The following RIC3 variants were observed in gnomAD, a reference collection of about 807,000 sequenced individuals.
The protein encoded by RIC3 is protein RIC-3.
In RIC3, 28 loss-of-function variants were observed where a neutral mutation model predicts 27.3. The observed-to-expected ratio is 1.02, with a 90% CI of 0.76 to 1.41. The LOEUF (loss-of-function observed/expected upper bound fraction) is 1.41, where lower values mean the gene tolerates loss of function less well. RIC3 is among the 40% of genes most tolerant of loss of function. The pLI, the probability that RIC3 is intolerant of heterozygous loss-of-function variation, is 0.00. For synonymous variants in RIC3, 184 were observed against 160.4 expected (o/e 1.15, Z -1.11); for missense variants, 501 against 444.7 (o/e 1.13, Z -1.14).
chr11:8,124,662 T>G (rs897599513), intron 5 of RIC3, among the ~76,000 whole-genome samples: 4 of 152,162 alleles, frequency 2.6e-5, no homozygotes, highest in Admixed American at 6.5e-5. Context: ...CCGTGTGCTA[T>G]TGGTACAAGT....
chr11:8,130,368 C>A (rs138929461), intron 4 of RIC3, among the ~76,000 whole-genome samples: 37 of 152,344 alleles, frequency 2.4e-4, no homozygotes, highest in African/African-American at 8.4e-4. Context: ...CATGAGGAGA[C>A]TTTCCCTTTG....
At chr11:8,162,120 C>T (rs1438149610) in intron 1 of RIC3, among the ~76,000 whole-genome samples, 2 of 152,192 alleles carry the variant, frequency 1.3e-5, no homozygotes, top group African/African-American at 2.4e-5. Flanking sequence ...AGAGGGCAGC[C>T]AGAGCACAGA....
Position 8,106,683 on chromosome 11 carries a change from G to A in RIC3, c.*4015C>T, listed in dbSNP as rs1246253890. ...TTTAAACAGGACCTCGAGATGCTTAGGAATCTTTTTTTGTTGCCGGGCAGC... is the reference window on the plus strand; with the variant it reads ...TTTAAACAGGACCTCGAGATGCTTAAGAATCTTTTTTTGTTGCCGGGCAGC... On this transcript the variant is annotated 3_prime_UTR_variant, in exon 6 of 6. Transcript: ENST00000309737. The A allele has an allele frequency of 9.2e-4, 1 of 1,086 alleles. No individual in the cohort carries two copies. The highest frequency in any genetic ancestry group is 1.7e-3 in the Non-Finnish European group (1 of 606). The allele number at this position is 1,086 out of a possible 1,614,324, so 0.1% of individuals were successfully genotyped here. A position where few individuals can be genotyped will look rare whatever the true frequency, so the allele number is the denominator to read the frequency against.
the RIC3 span, chr11:8,100,465 G>C: frequency 6.5e-7 from 1 of 1,546,108 alleles, no homozygotes; most frequent in African/African-American, 1.4e-5. Context: ...TAGGTAAATA[G>C]ACGCCTCAGG....
chr11:8,096,834 AG>A, the RIC3 span: 1 of 1,613,376 alleles, frequency 6.2e-7, no homozygotes, highest in Non-Finnish European at 8.5e-7. Flanking sequence ...CATCCACAGC[AG>A]TTTTTGGAGG....
At chr11:8,111,550 C>T (rs1945265920) in intron 5 of RIC3, among the ~76,000 whole-genome samples, 1 of 152,140 alleles carries the variant, frequency 6.6e-6, no homozygotes. Flanking sequence ...CCAAATCTTC[C>T]TTGGTGGAGT....
At chr11:8,098,918 T>C in the RIC3 span, 54 of 1,436,212 alleles carry the variant, frequency 3.8e-5, no homozygotes, top group Admixed American at 7.7e-4. Context: ...AAGGTAGATA[T>C]GAAATCCAGG....
chr11:8,101,386 T>G, downstream of RIC3: 2 of 1,453,226 alleles, frequency 1.4e-6, no homozygotes, highest in East Asian at 4.6e-5. Context: ...TGCTTCTCAC[T>G]TGTTCTTCCC....
intron 5 of RIC3, 138 bp from the exon 6 acceptor site, chr11:8,111,275 A>G: frequency 1.5e-6 from 1 of 662,146 alleles, no homozygotes; most frequent in Non-Finnish European, 2.5e-6. Flanking sequence ...CTAAGATTCC[A>G]ATAGTTCTAA....
At chr11:8,163,731 T>C (rs111897311) in intron 1 of RIC3, among the ~76,000 whole-genome samples, 9 of 151,576 alleles carry the variant, frequency 5.9e-5, no homozygotes, top group African/African-American at 1.9e-4. Flanking sequence ...CCTCTGTTCA[T>C]AGATTGAAAG....
intron 4 of RIC3, among the ~76,000 whole-genome samples, chr11:8,136,580 G>A (rs879781158): frequency 2.0e-5 from 3 of 152,216 alleles, no homozygotes; most frequent in South Asian, 2.1e-4. Context: ...AGCAAGAGGA[G>A]TGTCTTCCCT....
intron 1 of RIC3, among the ~76,000 whole-genome samples, chr11:8,141,260 A>T (rs7119226): frequency 0.48 from 73,061 of 151,338 alleles, 19,690 homozygotes; most frequent in African/African-American, 0.73. Context: ...TCAAGACCCA[A>T]CAGTGTGCTG....
At chr11:8,138,611 T>C (rs1453184036) in intron 2 of RIC3, 2 of 407,732 alleles carry the variant, frequency 4.9e-6, no homozygotes, top group East Asian at 8.5e-5. Flanking sequence ...TTAGGAATAG[T>C]AACTTCTCTT....
Position 8,109,444 on chromosome 11 carries a change from G to C in RIC3, c.*1254C>G, listed in dbSNP as rs891831705. 1 of 152,032 alleles carries C rather than the reference G, an allele frequency of 6.6e-6. No homozygotes were observed. The highest frequency in any genetic ancestry group is 2.4e-5 in the African/African-American group (1 of 41,366). The allele number at this position is 152,032 out of a possible 1,614,324, so 9.4% of individuals were successfully genotyped here. A position where few individuals can be genotyped will look rare whatever the true frequency, so the allele number is the denominator to read the frequency against. ...AGAAGACACACGTCAGATGCAGTAA[G>C]GAGAAAAGGCCTTTAGTTTGGTCAA... On this transcript the variant is annotated 3_prime_UTR_variant, in exon 6 of 6. Transcript: ENST00000309737.
chr11:8,136,016 T>A (rs997723250), intron 4 of RIC3, among the ~76,000 whole-genome samples: 1 of 152,196 alleles, frequency 6.6e-6, no homozygotes, highest in African/African-American at 2.4e-5. Context: ...CACACAGATA[T>A]ATTAATGTAT....
At chr11:8,145,099 G>A (rs1459252030) in intron 1 of RIC3, among the ~76,000 whole-genome samples, 1 of 145,618 alleles carries the variant, frequency 6.9e-6, no homozygotes, top group Admixed American at 6.9e-5. Flanking sequence ...GTTAGTGGGT[G>A]CAGCGCACCA....
At chr11:8,160,752 T>C (rs1428739572) in intron 1 of RIC3, among the ~76,000 whole-genome samples, 1 of 152,184 alleles carries the variant, frequency 6.6e-6, no homozygotes, top group Non-Finnish European at 1.5e-5. Flanking sequence ...AGATATGCTG[T>C]TATTTGCAGT....
the RIC3 span, chr11:8,096,927 T>TC: frequency 8.9e-7 from 1 of 1,122,336 alleles, no homozygotes; most frequent in Non-Finnish European, 1.3e-6. Flanking sequence ...GCCTCTTATG[T>TC]CCCTCTACCT....
At chr11:8,111,744 T>C (rs1475046800) in intron 5 of RIC3, among the ~76,000 whole-genome samples, 1 of 152,224 alleles carries the variant, frequency 6.6e-6, no homozygotes, top group African/African-American at 2.4e-5. Context: ...GGCTTCTTCA[T>C]CTTCACAAAA....
Sources: gnomAD v4.1 joint callset for allele counts (sites outside exome capture counted in the v4.1 genomes callset) on GRCh38, gnomAD v4.1.1 for gene constraint, MANE v1.5 for transcripts, NCBI Gene and HGNC (gene_info 2026-07-23, HGNC 2026-07-21) for gene names.